The following CSMD1 variants were observed in gnomAD, a reference collection of about 807,000 sequenced individuals.
The protein encoded by CSMD1 is CUB and Sushi multiple domains 1, also known as CUB and sushi domain-containing protein 1.
A neutral mutation model predicts 417.5 loss-of-function variants in CSMD1; 213 were observed. The ratio of observed to expected loss-of-function variants is 0.51; its 90% confidence interval spans 0.46 to 0.57. CSMD1 has a LOEUF of 0.57. CSMD1 is among the 20% of genes least tolerant of loss of function. The pLI is 0.00. For missense variants in CSMD1, 6,923 were observed against 4,529.7 expected (o/e 1.53, Z -15.17); for synonymous variants, 2,862 against 1,736.8 (o/e 1.65, Z -16.11).
At chr8:4,152,850 G>C (rs564236932) in intron 3 of CSMD1, among the ~76,000 whole-genome samples, 2 of 152,128 alleles carry the variant, frequency 1.3e-5, no homozygotes, top group Non-Finnish European at 2.9e-5. Context: ...ATGTGCATGT[G>C]TATTTATGGA....
chr8:4,736,315 G>T (rs117032159), intron 1 of CSMD1, among the ~76,000 whole-genome samples: 3 of 152,160 alleles, frequency 2.0e-5, no homozygotes, highest in Admixed American at 2.0e-4. Context: ...AATTTAGGTA[G>T]TTGATTATTC....
chr8:4,617,890 G>A (rs950397923), intron 2 of CSMD1, among the ~76,000 whole-genome samples: 1 of 152,016 alleles, frequency 6.6e-6, no homozygotes, highest in Non-Finnish European at 1.5e-5. Flanking sequence ...CCAGAACCTG[G>A]ACCAATGCCT....
chr8:3,440,404 G>A (rs1311749106), intron 12 of CSMD1, among the ~76,000 whole-genome samples: 2 of 152,192 alleles, frequency 1.3e-5, no homozygotes, highest in East Asian at 3.9e-4. Context: ...ATTGTTTTGA[G>A]TGATTATAAA....
intron 5 of CSMD1, among the ~76,000 whole-genome samples, chr8:3,920,925 G>A (rs573612474): frequency 3.9e-5 from 6 of 152,082 alleles, no homozygotes; most frequent in African/African-American, 7.2e-5. Flanking sequence ...ACATTGGCCT[G>A]TACATTTCTT....
At chr8:3,976,910 G>A (rs76694555) in intron 5 of CSMD1, among the ~76,000 whole-genome samples, 1 of 152,124 alleles carries the variant, frequency 6.6e-6, no homozygotes, top group African/African-American at 2.4e-5. Context: ...CAAATGACTT[G>A]TTAGCCATTT....
At position 4,162,443 on chromosome 8, in the gene CSMD1, G is replaced by C. The variant is rs551879020; in HGVS notation, c.416-130344C>G. On this transcript the variant is annotated intron_variant, in intron 3 of 69. Coordinates refer to ENST00000635120, the MANE Select transcript of CSMD1 (RefSeq NM_033225.6). ...AACTGATAAAATAATAAACAGAATA[G>C]AGGTGAATTCAAGACTTACACAAAA... is the stretch of plus-strand genomic sequence containing the variant. 6.6e-5 allele frequency among the ~76,000 whole-genome samples: 10 copies of C among 152,268 alleles called. No individual in the cohort carries two copies. In the South Asian group the frequency reaches 1.2e-3, roughly 19 times the overall value.
chr8:2,983,322 T>G (rs113676975), intron 54 of CSMD1, among the ~76,000 whole-genome samples: 2,984 of 151,960 alleles, frequency 0.02, 108 homozygotes, highest in African/African-American at 0.066. Context: ...GAGTAGCTGG[T>G]ACTACAGGCA....
chr8:4,519,742 C>CAAAAAAAAAAAAAAAAAAAA lies in CSMD1; in HGVS notation c.303-99697_303-99678dup, dbSNP rs57747377. On this transcript the variant is annotated intron_variant, in intron 2 of 69. Coordinates refer to ENST00000635120, the MANE Select transcript of CSMD1 (RefSeq NM_033225.6). ...TAGGCAGCAGAGTCAGACTTCATCT[C>CAAAAAAAAAAAAAAAAAAAA]AAAAAAAAAAAAAAAAAAAAAAAAA... is the stretch of plus-strand genomic sequence containing the variant. Among the ~76,000 whole-genome samples, 23 of 80,368 alleles carry CAAAAAAAAAAAAAAAAAAAA rather than the reference C, an allele frequency of 2.9e-4. 7 individuals carry two copies. The highest frequency in any genetic ancestry group is 7.3e-4 in the African/African-American group (14 of 19,122). The allele number at this position is 80,368 out of a possible 152,430, so 52.7% of individuals were successfully genotyped here. A position where few individuals can be genotyped will look rare whatever the true frequency, so the allele number is the denominator to read the frequency against.
chr8:3,496,814 AGT>A (rs1006303312), intron 10 of CSMD1, among the ~76,000 whole-genome samples: 2 of 152,192 alleles, frequency 1.3e-5, no homozygotes, highest in Admixed American at 1.3e-4. Context: ...TGGGCAACAG[AGT>A]GAGACTCCGT....
intron 1 of CSMD1, among the ~76,000 whole-genome samples, chr8:4,721,229 G>C (rs529043204): frequency 1.2e-4 from 19 of 152,112 alleles, no homozygotes; most frequent in Admixed American, 9.2e-4. Flanking sequence ...CATAGGAATT[G>C]TGTTTTCCTC....
intron 5 of CSMD1, among the ~76,000 whole-genome samples, chr8:3,983,135 C>T (rs56950657): frequency 8.2e-5 from 11 of 133,512 alleles, no homozygotes; most frequent in African/African-American, 8.7e-5. Context: ...ATCTTTCTTT[C>T]TTTTTTTTTT....
intron 7 of CSMD1, among the ~76,000 whole-genome samples, chr8:3,682,425 A>G (rs1799713131): frequency 6.6e-6 from 1 of 152,244 alleles, no homozygotes. Flanking sequence ...TATGCAGCCA[A>G]CAGACACATG....
At chr8:4,013,174 A>G (rs906202985) in intron 4 of CSMD1, among the ~76,000 whole-genome samples, 4 of 151,982 alleles carry the variant, frequency 2.6e-5, no homozygotes, top group African/African-American at 9.7e-5. Context: ...TTAAAGTCCA[A>G]AGGCTGATCT....
At chr8:3,782,678 A>G (rs1470934840) in intron 5 of CSMD1, among the ~76,000 whole-genome samples, 2 of 152,204 alleles carry the variant, frequency 1.3e-5, no homozygotes, top group African/African-American at 4.8e-5. Flanking sequence ...AGAGTCAACA[A>G]TGTTTGAGAA....
At chr8:4,311,665 G>C (rs1798580762) in intron 3 of CSMD1, among the ~76,000 whole-genome samples, 1 of 148,508 alleles carries the variant, frequency 6.7e-6, no homozygotes, top group African/African-American at 2.5e-5. Context: ...AGAGGCTGCA[G>C]TGAGCCGAGA....
At chr8:3,950,129 G>A (rs538010167) in intron 5 of CSMD1, among the ~76,000 whole-genome samples, 1 of 152,168 alleles carries the variant, frequency 6.6e-6, no homozygotes, top group African/African-American at 2.4e-5. Flanking sequence ...ACGTTACACT[G>A]ACCTGCATTT....
intron 1 of CSMD1, among the ~76,000 whole-genome samples, chr8:4,883,274 T>C (rs1342393047): frequency 6.6e-6 from 1 of 152,064 alleles, no homozygotes; most frequent in Admixed American, 6.6e-5. Context: ...CTAATATAGA[T>C]ACAAGATAAA....
rs78990310 is a variant in CSMD1, at chr8:4,419,274, C to T, written c.415+679G>A. ...GGCAATTTAAAATCTCCATCCAAAA[C>T]AAAAGTAGACACACATCGGCCTTTA... is the stretch of plus-strand genomic sequence containing the variant. On this transcript the variant is annotated intron_variant, in intron 3 of 69. Transcript: ENST00000635120. Among the ~76,000 whole-genome samples the T allele has an allele frequency of 5.8e-3, 888 of 152,210 alleles. 10 individuals are homozygous for T. The highest frequency in any genetic ancestry group is 0.02 in the African/African-American group (839 of 41,542).
At chr8:3,917,818 G>A (rs892651409) in intron 5 of CSMD1, among the ~76,000 whole-genome samples, 1 of 151,982 alleles carries the variant, frequency 6.6e-6, no homozygotes, top group Non-Finnish European at 1.5e-5. Context: ...AATATTAGTT[G>A]TGTGTATGCG....
Sources: gnomAD v4.1 joint callset for allele counts (sites outside exome capture counted in the v4.1 genomes callset) on GRCh38, gnomAD v4.1.1 for gene constraint, MANE v1.5 for transcripts, NCBI Gene and HGNC (gene_info 2026-07-23, HGNC 2026-07-21) for gene names.